Variants in CATSPER2 observed in about 807,000 individuals in gnomAD.
The protein encoded by CATSPER2 is cation channel sperm associated 2, also known as cation channel sperm-associated protein 2.
A neutral mutation model predicts 68.8 loss-of-function variants in CATSPER2; 56 were observed. The ratio of observed to expected loss-of-function variants is 0.81; its 90% CI spans 0.66 to 1.02. The LOEUF (loss-of-function observed/expected upper bound fraction) is 1.02. Among genes scored for constraint, CATSPER2 ranks in the 50% least tolerant of loss-of-function variants. CATSPER2 has a pLI of 0.00. For synonymous variants in CATSPER2, 198 were observed against 229.9 expected (o/e 0.86, Z 1.26); for missense variants, 582 against 642.0 (o/e 0.91, Z 1.01).
intron 2 of CATSPER2, 30 bp downstream of exon 2, chr15:43,647,887 T>C: frequency 1.2e-6 from 2 of 1,611,316 alleles, no homozygotes; most frequent in Non-Finnish European, 1.7e-6. Flanking sequence ...GAGTCTTAAA[T>C]TTAAATTAGT....
chr15:43,639,544 C>A, intron 6 of CATSPER2, 99 bp downstream of exon 6: 1 of 1,586,742 alleles, frequency 6.3e-7, no homozygotes, highest in Non-Finnish European at 8.6e-7. Flanking sequence ...GGATTACAGG[C>A]GTGAGCCACC....
In CATSPER2 at chr15:43,647,579, A is replaced by G. The variant is rs151235424; in HGVS notation, c.146-112T>C. Reference sequence around the variant, plus strand: ...TGGGTTCCCCTAATGCCTTACTGCTAGTCCTTCTCTTCTCACAGCAACTAA... The same window carrying G: ...TGGGTTCCCCTAATGCCTTACTGCTGGTCCTTCTCTTCTCACAGCAACTAA... On this transcript the variant is annotated intron_variant, in intron 2 of 12. Transcript: ENST00000396879. 6.2e-3 allele frequency: 6,112 copies of G among 988,682 alleles called. 73 individuals are homozygous for G. Among genetic ancestry groups the G allele is most frequent in the Non-Finnish European group, 8.0e-3 (4,943 of 615,436 alleles). The allele number at this position is 988,682 out of a possible 1,614,324, so 61.2% of individuals were successfully genotyped here. A position where few individuals can be genotyped will look rare whatever the true frequency, so the allele number is the denominator to read the frequency against.
rs3097765 is a variant in CATSPER2, at chr15:43,632,554, T to C, written c.1396+163A>G. The C allele has an allele frequency of 1.1e-5, 16 of 1,476,802 alleles. No individual in the cohort carries two copies. The East Asian group carries it at 2.5e-4, about 23-fold the overall frequency. 91.5% of individuals were successfully genotyped at this position (1,476,802 alleles called of 1,614,324 possible). ...GGGCCACAGCCACACTTACCCGAAG[T>C]GAAGAAGAAGTACAGGGGAAATTAA... On this transcript the variant is annotated intron_variant, in intron 11 of 12. Transcript: ENST00000396879.
rs767092489 is a variant in CATSPER2, at chr15:43,635,781, G to A, written c.1067C>T (p.Ala356Val). 27 of 1,613,522 alleles carry A rather than the reference G, an allele frequency of 1.7e-5. No individual in the cohort carries two copies. In the South Asian group the frequency reaches 2.0e-4, roughly 12 times the overall value. Residue 356 changes from alanine (A) to valine (V), a missense_variant, in exon 9 of 13, where the codon GCG becomes GTG. By Grantham distance (64) the Ala-to-Val change is moderately conservative. Coordinates refer to ENST00000396879, the MANE Select transcript of CATSPER2 (RefSeq NM_172095.4). The stretch of plus-strand genomic sequence containing the variant: ...AGCTTTGAGCTGAACCTCCCGACGC[G>A]CCATCTCCTCATTCAGCTCTTTCCT... ...NIRKELNEEM[A>V]RREVQLKADM...
intron 6 of CATSPER2, chr15:43,639,295 A>T (rs1399844865): frequency 1.3e-5 from 6 of 465,018 alleles, no homozygotes; most frequent in African/African-American, 1.2e-4. Flanking sequence ...CCTAGGCTAG[A>T]GTGCAGTGGC....
In CATSPER2 at chr15:43,635,425, C is replaced by CA. The variant is rs375933133; in HGVS notation, c.1122-10dup. ...GTGACATGTTTTTTCTCCTGCAGAGCAAAAAAAAAAAAGAGCAAAGACAGT... is the reference window on the plus strand; with the variant it reads ...GTGACATGTTTTTTCTCCTGCAGAGCAAAAAAAAAAAAAGAGCAAAGACAGT... On this transcript the variant is annotated splice_polypyrimidine_tract_variant and intron_variant, in intron 9 of 12. Transcript: ENST00000396879. 0.014 allele frequency: 17,861 copies of CA among 1,307,244 alleles called. 2 individuals are homozygous for CA. Among genetic ancestry groups the CA allele is most frequent in the Non-Finnish European group, 0.016 (15,168 of 950,906 alleles). The allele number at this position is 1,307,244 out of a possible 1,614,324, so 81.0% of individuals were successfully genotyped here. A position where few individuals can be genotyped will look rare whatever the true frequency, so the allele number is the denominator to read the frequency against.
intron 1 of CATSPER2, 128 bp downstream of exon 1, chr15:43,648,501 T>C (rs1484457562): frequency 1.1e-6 from 1 of 945,786 alleles, no homozygotes; most frequent in Non-Finnish European, 1.5e-6. Context: ...AGAAACCAAG[T>C]GCAGAGAAAT....
At chr15:43,644,423 T>C (rs1290859387) in intron 4 of CATSPER2, among the ~76,000 whole-genome samples, 1 of 151,996 alleles carries the variant, frequency 6.6e-6, no homozygotes, top group African/African-American at 2.4e-5. Flanking sequence ...ATGTTTCATA[T>C]TCAGTTAACT....
chr15:43,634,447 CTCAAG>C (rs1344466496), intron 10 of CATSPER2: 1 of 151,970 alleles, frequency 6.6e-6, no homozygotes, highest in Non-Finnish European at 1.5e-5. Flanking sequence ...AACTCCTGAG[CTCAAG>C]TCATCTGCCC....
rs370744980 is a variant in CATSPER2, at chr15:43,632,938, A to G, written c.1179-4T>C. ...TTGTTGACTAGCTCCTCTTGAACTTAAAGAAGAAATTTATGGCTTCACAAA... is the reference window on the plus strand; with the variant it reads ...TTGTTGACTAGCTCCTCTTGAACTTGAAGAAGAAATTTATGGCTTCACAAA... On this transcript the variant is annotated splice_polypyrimidine_tract_variant and splice_region_variant and intron_variant, in intron 10 of 12. Transcript: ENST00000396879. 8.2e-6 allele frequency: 13 copies of G among 1,588,042 alleles called. No individual in the cohort carries two copies. The African/African-American group carries it at 1.8e-4, about 22-fold the overall frequency.
rs28366727 is a variant in CATSPER2, at chr15:43,631,976, C to T, written c.1561+223G>A. On this transcript the variant is annotated intron_variant, in intron 12 of 12. Transcript: ENST00000396879. ...CCTCATAGGATTTGGGTGTCCCCTGCTACAGAAGCAGAGTTTCTAGGTTCT... is the reference window on the plus strand; with the variant it reads ...CCTCATAGGATTTGGGTGTCCCCTGTTACAGAAGCAGAGTTTCTAGGTTCT... Among the ~76,000 whole-genome samples the T allele has an allele frequency of 7.0e-3, 1,060 of 151,722 alleles. 33 individuals carry two copies. The highest frequency in any genetic ancestry group is 5.6e-3 in the Non-Finnish European group (377 of 67,862).
Position 43,640,367 on chromosome 15 carries a change from C to T in CATSPER2, c.518G>A (p.Trp173Ter). The T allele has an allele frequency of 1.9e-6, 3 of 1,612,296 alleles. No individual in the cohort carries two copies. The change falls in exon 5 of 13, where the codon TGG becomes TAG. Residue 173 changes from tryptophan (W) to a stop codon, truncating the protein, a stop_gained. Coordinates refer to ENST00000396879, the MANE Select transcript of CATSPER2 (RefSeq NM_172095.4). LOFTEE classifies it high-confidence loss of function. The stretch of plus-strand genomic sequence containing the variant: ...GTCAAAGACATTCCAGGCACTCTTC[C>T]AGAAAACAGAAAAGTTGGATAGCCA... ...LKWLSNFSVF[W>*]KSAWNVFDFV...
In CATSPER2 at chr15:43,635,821, T is replaced by C. The variant is rs376522370; in HGVS notation, c.1027A>G (p.Asn343Asp). The change falls in exon 9 of 13, where the codon AAC becomes GAC. Residue 343 changes from asparagine (N) to aspartate (D), a missense_variant. Transcript: ENST00000396879. ...AGCTCTTTCCTGATATTCTGAAAGT[T>C]AGTAACTGCCCCAAAGGGCCATTAG... Reference protein sequence around the residue: ...RSIIVAMMVTNFQNIRKELNE... With the variant: ...RSIIVAMMVTDFQNIRKELNE... 23 of 1,612,918 alleles carry C rather than the reference T, an allele frequency of 1.4e-5. No individual in the cohort carries two copies. In the African/African-American group the frequency reaches 2.9e-4, roughly 21 times the overall value.
chr15:43,648,577 C>T (rs1300669651), intron 1 of CATSPER2, 52 bp downstream of exon 1: 1 of 1,366,374 alleles, frequency 7.3e-7, no homozygotes, highest in African/African-American at 1.5e-5. Flanking sequence ...CACTCCAACA[C>T]TCCTTCGGGG....
rs1046376004 is a variant in CATSPER2, at chr15:43,648,732, C to T, written c.-106G>A. The stretch of plus-strand genomic sequence containing the variant: ...CCCCTATGCAAGACGAGCTCAGGGC[C>T]GGCTCCCAGCCTCACTGCGCCCCAT... On this transcript the variant is annotated 5_prime_UTR_variant, in exon 1 of 13. Coordinates refer to ENST00000396879, the MANE Select transcript of CATSPER2 (RefSeq NM_172095.4). 76 of 1,515,470 alleles carry T rather than the reference C, an allele frequency of 5.0e-5. 2 individuals carry two copies. In the Middle Eastern group the frequency reaches 1.6e-3, roughly 32 times the overall value. The allele number at this position is 1,515,470 out of a possible 1,614,324, so 93.9% of individuals were successfully genotyped here.
At position 43,647,981 on chromosome 15, in the gene CATSPER2, A is replaced by G. The variant is rs1376240645; in HGVS notation, c.81T>C (p.Ser27=). The G allele has an allele frequency of 6.2e-7, 1 of 1,613,546 alleles. No homozygotes were observed. The highest frequency in any genetic ancestry group is 8.5e-7 in the Non-Finnish European group (1 of 1,179,772). The change falls in exon 2 of 13, where the codon TCT becomes TCC. Residue 27 remains serine (S), a synonymous_variant. Coordinates refer to ENST00000396879, the MANE Select transcript of CATSPER2 (RefSeq NM_172095.4). Reference sequence around the variant, plus strand: ...TCAAGCCTTGCAAATGCTCAATGAGAGAGAAAGTATCGATGAGACGTGAAC... The same window carrying G: ...TCAAGCCTTGCAAATGCTCAATGAGGGAGAAAGTATCGATGAGACGTGAAC... The part of the protein sequence containing the change: ...AIRSRLIDTF[S]LIEHLQGLSQ...
At chr15:43,641,515 GAAAA>G (rs60797816) in intron 4 of CATSPER2, among the ~76,000 whole-genome samples, 4 of 139,692 alleles carry the variant, frequency 2.9e-5, no homozygotes, top group Non-Finnish European at 6.4e-5. Context: ...CATACCCTTG[GAAAA>G]AAAAAAAACA....
At position 43,639,046 on chromosome 15, in the gene CATSPER2, C is replaced by A; in HGVS notation, c.718-18G>T. On this transcript the variant is annotated intron_variant, in intron 6 of 12. Transcript: ENST00000396879. Reference sequence around the variant, plus strand: ...GTCATGCTCTAGAGGCCATAACTCTCATGTCAGATGTGGGCCAAACTAGGC... The same window carrying A: ...GTCATGCTCTAGAGGCCATAACTCTAATGTCAGATGTGGGCCAAACTAGGC... 2 of 1,610,972 alleles carry A rather than the reference C, an allele frequency of 1.2e-6. No individual in the cohort carries two copies. The highest frequency in any genetic ancestry group is 2.2e-5 in the South Asian group (2 of 90,906).
intron 4 of CATSPER2, among the ~76,000 whole-genome samples, chr15:43,641,356 G>A (rs1488515737): frequency 6.6e-6 from 1 of 151,554 alleles, no homozygotes; most frequent in South Asian, 2.1e-4. Context: ...CAGGTGATCC[G>A]CCCACCTCAG....
Sources: allele counts gnomAD v4.1 joint callset (sites outside exome capture counted in the v4.1 genomes callset), GRCh38; gene constraint gnomAD v4.1.1; transcripts MANE v1.5; gene names NCBI Gene and HGNC (gene_info 2026-07-23, HGNC 2026-07-21).